TPRG1: variants seen among roughly 807,000 people sequenced by gnomAD.
The protein encoded by TPRG1 is tumor protein p63 regulated 1, also known as tumor protein p63-regulated gene 1 protein.
In TPRG1, 29 loss-of-function variants were observed where a neutral mutation model predicts 29.3. The ratio of observed to expected loss-of-function variants is 0.99; its 90% CI spans 0.74 to 1.35. The LOEUF (loss-of-function observed/expected upper bound fraction) is 1.35. Among genes scored for constraint, TPRG1 ranks in the 40% most tolerant of loss-of-function variants. The pLI, the probability that TPRG1 is intolerant of heterozygous loss-of-function variation, is 0.00. For synonymous variants in TPRG1, 130 were observed against 116.8 expected (o/e 1.11, Z -0.73); for missense variants, 327 against 335.0 (o/e 0.98, Z 0.19).
intron 4 of TPRG1, among the ~76,000 whole-genome samples, chr3:189,275,623 T>C (rs1453497425): frequency 6.6e-6 from 1 of 152,016 alleles, no homozygotes; most frequent in East Asian, 1.9e-4. Flanking sequence ...CAGATGTGGT[T>C]TTGCTTGAAT....
At chr3:189,107,231 T>C (rs901243661) in intron 1 of TPRG1, among the ~76,000 whole-genome samples, 8 of 152,238 alleles carry the variant, frequency 5.3e-5, no homozygotes, top group Admixed American at 6.5e-5. Flanking sequence ...AGGGGAGATC[T>C]CACTTAATCC....
chr3:189,019,422 T>C (rs1249421113), intron 3 of TPRG1, among the ~76,000 whole-genome samples: 2 of 152,174 alleles, frequency 1.3e-5, no homozygotes, highest in Non-Finnish European at 2.9e-5. Flanking sequence ...ACCTAATTTA[T>C]TGAGAGTTTT....
chr3:189,046,075 A>G (rs895839101), intron 4 of TPRG1, among the ~76,000 whole-genome samples: 1 of 152,244 alleles, frequency 6.6e-6, no homozygotes, highest in Non-Finnish European at 1.5e-5. Context: ...TGAGTCTGCA[A>G]AAGCTCAGCA....
At chr3:189,227,404 C>T (rs138372560) in intron 3 of TPRG1, among the ~76,000 whole-genome samples, 2 of 152,152 alleles carry the variant, frequency 1.3e-5, no homozygotes, top group East Asian at 3.9e-4. Flanking sequence ...CGGCAGCTGC[C>T]CTTCTGTCCC....
chr3:189,163,097 C>T (rs1727695933), intron 5 of TPRG1, among the ~76,000 whole-genome samples: 1 of 152,026 alleles, frequency 6.6e-6, no homozygotes, highest in Non-Finnish European at 1.5e-5. Flanking sequence ...CATGGTGAAA[C>T]CTGGTCTCTA....
At chr3:189,218,406 G>A (rs751506572) in intron 3 of TPRG1, among the ~76,000 whole-genome samples, 4 of 152,134 alleles carry the variant, frequency 2.6e-5, no homozygotes, top group Non-Finnish European at 5.9e-5. Flanking sequence ...GTGAGCCATC[G>A]CGCCCGGCCG....
At chr3:189,186,990 T>G (rs1002587373) in intron 1 of TPRG1, among the ~76,000 whole-genome samples, 3 of 129,588 alleles carry the variant, frequency 2.3e-5, no homozygotes, top group Admixed American at 2.3e-4. Context: ...AAAGTGTTTT[T>G]TTTTTTTTTT....
intron 4 of TPRG1, among the ~76,000 whole-genome samples, chr3:189,074,834 C>T (rs754229938): frequency 7.3e-5 from 11 of 150,520 alleles, no homozygotes; most frequent in Non-Finnish European, 7.4e-5. Context: ...TTTCTTGAGA[C>T]GGAGTCTCGC....
chr3:189,174,170 G>A (rs985261217), intron 1 of TPRG1, among the ~76,000 whole-genome samples: 2 of 152,192 alleles, frequency 1.3e-5, no homozygotes, highest in African/African-American at 4.8e-5. Flanking sequence ...TCAAGTCCGA[G>A]AATTCATTTA....
chr3:189,165,043 C>T (rs965740652), intron 5 of TPRG1, among the ~76,000 whole-genome samples: 4 of 152,140 alleles, frequency 2.6e-5, no homozygotes, highest in Admixed American at 2.6e-4. Context: ...TGCATTTTTA[C>T]CCTTATTACT....
intron 1 of TPRG1, among the ~76,000 whole-genome samples, chr3:189,172,421 T>G (rs962741991): frequency 6.6e-6 from 1 of 152,174 alleles, no homozygotes; most frequent in African/African-American, 2.4e-5. Flanking sequence ...TGGGTATAAT[T>G]TTCTCCATTT....
intron 4 of TPRG1, among the ~76,000 whole-genome samples, chr3:189,042,238 C>T (rs762932483): frequency 2.0e-5 from 3 of 152,046 alleles, no homozygotes; most frequent in Non-Finnish European, 2.9e-5. Flanking sequence ...ACAACCTTAA[C>T]GTCCTTTTTT....
At chr3:189,230,434 C>CA (rs368624963) in intron 3 of TPRG1, among the ~76,000 whole-genome samples, 2,217 of 147,520 alleles carry the variant, frequency 0.015, 18 homozygotes, top group African/African-American at 0.019. Flanking sequence ...TCATAAATTG[C>CA]AAAAAAAAAA....
chr3:189,126,048 A>C (rs1423010192), intron 1 of TPRG1, among the ~76,000 whole-genome samples: 2 of 152,060 alleles, frequency 1.3e-5, no homozygotes, highest in Non-Finnish European at 2.9e-5. Flanking sequence ...CGATGCCTGG[A>C]AGAGAGCTGG....
At chr3:189,234,962 A>T (rs1739226390) in intron 3 of TPRG1, among the ~76,000 whole-genome samples, 1 of 152,262 alleles carries the variant, frequency 6.6e-6, no homozygotes, top group African/African-American at 2.4e-5. Context: ...GTGGAGATTC[A>T]TGAACAACAT....
intron 4 of TPRG1, among the ~76,000 whole-genome samples, chr3:189,305,387 G>T (rs201282738): frequency 6.6e-6 from 1 of 152,190 alleles, no homozygotes; most frequent in African/African-American, 2.4e-5. Context: ...TTACAAAGTT[G>T]GTTATCAAAG....
chr3:189,072,109 T>C (rs534338460), intron 4 of TPRG1, among the ~76,000 whole-genome samples: 9 of 152,368 alleles, frequency 5.9e-5, no homozygotes, highest in African/African-American at 1.9e-4. Flanking sequence ...ATGTTCTCAC[T>C]GAACTTGATT....
At chr3:189,063,071 AT>A (rs1716218434) in intron 4 of TPRG1, among the ~76,000 whole-genome samples, 2 of 152,080 alleles carry the variant, frequency 1.3e-5, no homozygotes, top group Admixed American at 1.3e-4. Flanking sequence ...AATAGAAAAA[AT>A]TTACCATGCA....
chr3:189,123,919 C>T (rs931161870), intron 1 of TPRG1, among the ~76,000 whole-genome samples: 4 of 152,146 alleles, frequency 2.6e-5, no homozygotes, highest in Non-Finnish European at 4.4e-5. Flanking sequence ...CCGTGGCAGG[C>T]CCATCAAGGC....
Sources: gnomAD v4.1 joint callset for allele counts (sites outside exome capture counted in the v4.1 genomes callset) on GRCh38, gnomAD v4.1.1 for gene constraint, MANE v1.5 for transcripts, NCBI Gene and HGNC (gene_info 2026-07-23, HGNC 2026-07-21) for gene names.